Variants in KCNIP1 observed in about 807,000 individuals in gnomAD.
KCNIP1 encodes potassium voltage-gated channel interacting protein 1, also known as A-type potassium channel modulatory protein KCNIP1.
In KCNIP1, 18 loss-of-function variants were observed where a neutral mutation model predicts 33.0. That is an observed-to-expected ratio of 0.55 (90% CI 0.38 to 0.81). The LOEUF is 0.81. Ranked by LOEUF, KCNIP1 falls within the 30% of genes least tolerant of loss-of-function variation. KCNIP1 has a pLI of 0.00. For synonymous variants in KCNIP1, 93 were observed against 98.3 expected (o/e 0.95, Z 0.32); for missense variants, 238 against 271.6 (o/e 0.88, Z 0.87).
intron 1 of KCNIP1, among the ~76,000 whole-genome samples, chr5:170,364,651 C>A (rs560920196): frequency 6.6e-6 from 1 of 152,180 alleles, no homozygotes; most frequent in Non-Finnish European, 1.5e-5. Context: ...TCCCCTCCTG[C>A]GGTTGCCGTC....
Position 170,504,145 on chromosome 5 carries a change from C to T in KCNIP1, c.-428C>T. On this transcript the variant is annotated 5_prime_UTR_variant, in exon 1 of 8. Transcript: ENST00000328939. This position sits in a 1 kb window ranked among gnomAD's most constrained non-coding sequence, Gnocchi z 6.0. ...TCGGCCCTCCGAGACCCAGCCCGAG[C>T]GCAGGGAGGGGAGCCGAGTGTGCGG... 2.0e-6 allele frequency: 2 copies of T among 997,272 alleles called. No individual in the cohort carries two copies. Among genetic ancestry groups the T allele is most frequent in the South Asian group, 4.7e-5 (1 of 21,464 alleles). 61.8% of individuals were successfully genotyped at this position (997,272 alleles called of 1,614,324 possible). A position where few individuals can be genotyped will look rare whatever the true frequency, so the allele number is the denominator to read the frequency against.
Position 170,721,887 on chromosome 5 carries a change from G to A in KCNIP1, c.311G>A (p.Gly104Asp). 1 of 1,614,084 alleles carries A rather than the reference G, an allele frequency of 6.2e-7. No individual in the cohort carries two copies. Among genetic ancestry groups the A allele is most frequent in the South Asian group, 1.1e-5 (1 of 91,062 alleles). ...LFNAFDTTQT[G>D]SVKFEDFVTA... The stretch of plus-strand genomic sequence containing the variant: ...AATGCCTTCGACACCACTCAGACAG[G>A]CTCCGTGAAGTTCGAGGTACGCTCA... The change falls in exon 4 of 8, where the codon GGC (glycine) becomes GAC (aspartate). Residue 104 changes from glycine to aspartate, a missense_variant. Transcript: ENST00000328939.
Position 170,560,276 on chromosome 5 carries a change from G to A in KCNIP1, c.61+55643G>A, listed in dbSNP as rs142419429. On this transcript the variant is annotated intron_variant, in intron 1 of 7. Coordinates refer to ENST00000328939, the MANE Select transcript of KCNIP1 (RefSeq NM_014592.4). ...TGGTTTTCTTATGACTTGAGCCAGC[G>A]AGACGTACATGCCCAGCACCTGTTA... Among the ~76,000 whole-genome samples the A allele has an allele frequency of 1.3e-3, 192 of 152,260 alleles. 1 individual carries two copies. Among genetic ancestry groups the A allele is most frequent in the African/African-American group, 4.5e-3 (187 of 41,564 alleles).
intron 1 of KCNIP1, among the ~76,000 whole-genome samples, chr5:170,581,077 A>C (rs1380751830): frequency 6.6e-6 from 1 of 152,242 alleles, no homozygotes; most frequent in Non-Finnish European, 1.5e-5. Flanking sequence ...TCTCCTTGAT[A>C]AACCTAAAGG....
chr5:170,368,074 C>G (rs868584453), intron 1 of KCNIP1, among the ~76,000 whole-genome samples: 11 of 151,784 alleles, frequency 7.2e-5, no homozygotes, highest in African/African-American at 2.7e-4. Flanking sequence ...AATTAATAAC[C>G]TAGAGAAATG....
At chr5:170,719,159 T>G (rs1763734143) in intron 2 of KCNIP1, among the ~76,000 whole-genome samples, 1 of 152,110 alleles carries the variant, frequency 6.6e-6, no homozygotes, top group Admixed American at 6.5e-5. Context: ...GGGTCAAGCC[T>G]TAGCCCTTAA....
At chr5:170,581,748 CTGTT>C (rs1380612640) in intron 1 of KCNIP1, among the ~76,000 whole-genome samples, 15 of 152,220 alleles carry the variant, frequency 9.9e-5, no homozygotes, top group Admixed American at 8.5e-4. Context: ...CTGTCTATGT[CTGTT>C]TGTGTTCCTA....
chr5:170,443,500 T>C (rs1403853308), intron 1 of KCNIP1, among the ~76,000 whole-genome samples: 2 of 152,178 alleles, frequency 1.3e-5, no homozygotes, highest in African/African-American at 2.4e-5. Context: ...GGAAGGCATA[T>C]GCAAGAACAG....
At chr5:170,456,022 A>T (rs2202428) in intron 1 of KCNIP1, among the ~76,000 whole-genome samples, 102 of 152,112 alleles carry the variant, frequency 6.7e-4, no homozygotes, top group African/African-American at 2.2e-3. Context: ...ATATTTATTG[A>T]GGCACTATTT....
At chr5:170,461,883 A>G (rs1207220299) in intron 1 of KCNIP1, among the ~76,000 whole-genome samples, 1 of 152,252 alleles carries the variant, frequency 6.6e-6, no homozygotes, top group Non-Finnish European at 1.5e-5. Flanking sequence ...TCATTCAAGG[A>G]ATAGTGCTGG....
intron 1 of KCNIP1, chr5:170,378,820 G>T (rs1310513332): frequency 1.2e-6 from 2 of 1,614,122 alleles, no homozygotes; most frequent in African/African-American, 1.3e-5. Context: ...AGGGCCTGGG[G>T]CCCGTAGAGG....
rs143370603 is a variant in KCNIP1, at chr5:170,430,878, T to C, written c.88+76914T>C. ...TTAAGTGACCCCTTCACTAGTCTCA[T>C]AGATGAGCGGCCAGCCTGCCTCCTG... is the stretch of plus-strand genomic sequence containing the variant. On this transcript the variant is annotated intron_variant, in intron 1 of 7. Coordinates refer to the KCNIP1 transcript ENST00000377360. Among the ~76,000 whole-genome samples, 678 of 152,316 alleles carry C rather than the reference T, an allele frequency of 4.5e-3. 2 individuals carry two copies. The highest frequency in any genetic ancestry group is 0.01 in the Middle Eastern group (3 of 294).
intron 1 of KCNIP1, among the ~76,000 whole-genome samples, chr5:170,563,156 C>G (rs527624739): frequency 4.8e-4 from 73 of 152,314 alleles, no homozygotes; most frequent in African/African-American, 1.6e-3. Flanking sequence ...TACTCACCCC[C>G]ACTCCTCCAG....
rs908756576 is a variant in KCNIP1 at position 170,733,774 on chromosome 5, G to T, written c.541-62G>T. The T allele has an allele frequency of 3.7e-6, 5 of 1,344,224 alleles. No individual in the cohort carries two copies. In the African/African-American group the frequency reaches 7.2e-5, roughly 19 times the overall value. The allele number at this position is 1,344,224 out of a possible 1,614,324, so 83.3% of individuals were successfully genotyped here. On this transcript the variant is annotated intron_variant, in intron 6 of 7. Transcript: ENST00000328939. Reference sequence around the variant, plus strand: ...CTCTGAGCTCCAGCAAGAAAGCAGGGGAGTAAGCTTTGGAATGGAGATCAC... The same window carrying T: ...CTCTGAGCTCCAGCAAGAAAGCAGGTGAGTAAGCTTTGGAATGGAGATCAC...
chr5:170,687,518 C>G (rs758336921), intron 1 of KCNIP1, among the ~76,000 whole-genome samples: 2 of 152,202 alleles, frequency 1.3e-5, no homozygotes, highest in African/African-American at 4.8e-5. Context: ...AATTATACTA[C>G]TAACATAGCA....
chr5:170,573,998 A>G (rs2113496138), intron 1 of KCNIP1, among the ~76,000 whole-genome samples: 1 of 152,380 alleles, frequency 6.6e-6, no homozygotes, highest in African/African-American at 2.4e-5. Context: ...AAATAGAGAA[A>G]AACTCCTTGC....
chr5:170,722,693 C>G lies in KCNIP1; in HGVS notation c.328-20C>G, dbSNP rs528579377. Reference sequence around the variant, plus strand: ...TGATGGCTTGATGGTTAATGTCACTCTGCCTTTTCCCCTTCTCAGGACTTT... The same window carrying G: ...TGATGGCTTGATGGTTAATGTCACTGTGCCTTTTCCCCTTCTCAGGACTTT... On this transcript the variant is annotated intron_variant, in intron 4 of 7. Coordinates refer to ENST00000328939, the MANE Select transcript of KCNIP1 (RefSeq NM_014592.4). The G allele has an allele frequency of 2.7e-5, 41 of 1,535,446 alleles. No homozygotes were observed. The South Asian group carries it at 2.8e-4, about 10-fold the overall frequency.
chr5:170,386,743 G>A (rs541677976), intron 1 of KCNIP1, among the ~76,000 whole-genome samples: 2 of 151,838 alleles, frequency 1.3e-5, no homozygotes, highest in African/African-American at 2.4e-5. Flanking sequence ...AAGAAAGAAG[G>A]CATCATGGTG....
intron 1 of KCNIP1, among the ~76,000 whole-genome samples, chr5:170,717,326 A>T (rs1763674842): frequency 6.6e-6 from 1 of 152,126 alleles, no homozygotes; most frequent in Non-Finnish European, 1.5e-5. Context: ...ATTGCTACTT[A>T]TCTTGTTAGC....
Sources: gnomAD v4.1 joint callset for allele counts (sites outside exome capture counted in the v4.1 genomes callset) on GRCh38, gnomAD v4.1.1 for gene constraint, Gnocchi (gnomAD v3.1) non-coding constraint, MANE v1.5 for transcripts, NCBI Gene and HGNC (gene_info 2026-07-23, HGNC 2026-07-21) for gene names.